Variants in KLHL29 observed in about 807,000 individuals in gnomAD.
The protein encoded by KLHL29 is kelch like family member 29.
Under a neutral mutation model 80.4 loss-of-function variants are expected in KLHL29, and 21 were observed. That is an observed-to-expected ratio of 0.26 (90% CI 0.19 to 0.38). KLHL29 has a LOEUF of 0.38. KLHL29 is among the 10% of genes least tolerant of loss of function. The probability of loss-of-function intolerance (pLI) is 1.00; values close to 1 mark genes in which losing one functional copy is unlikely to be tolerated. For missense variants in KLHL29, 867 were observed against 1,223.9 expected (o/e 0.71, Z 4.35); for synonymous variants, 511 against 526.8 (o/e 0.97, Z 0.41).
At chr2:23,459,519 G>A (rs1465385362) in intron 1 of KLHL29, among the ~76,000 whole-genome samples, 2 of 152,086 alleles carry the variant, frequency 1.3e-5, no homozygotes, top group South Asian at 2.1e-4. Context: ...GGGGTGATTC[G>A]GCAAAATGGG....
At chr2:23,553,409 G>A (rs1395586125) in intron 2 of KLHL29, among the ~76,000 whole-genome samples, 1 of 152,222 alleles carries the variant, frequency 6.6e-6, no homozygotes, top group Non-Finnish European at 1.5e-5. Context: ...ACAGGAGAAG[G>A]CTGGCATCAG....
chr2:23,550,362 C>G (rs764275468), intron 2 of KLHL29, among the ~76,000 whole-genome samples: 1 of 152,052 alleles, frequency 6.6e-6, no homozygotes, highest in Non-Finnish European at 1.5e-5. Context: ...TTTGGACAAG[C>G]AGGAGGCCCC....
At chr2:23,406,859 A>G (rs759694597) in intron 1 of KLHL29, among the ~76,000 whole-genome samples, 12 of 152,240 alleles carry the variant, frequency 7.9e-5, no homozygotes, top group Non-Finnish European at 1.0e-4. Context: ...TAACTTTTCA[A>G]TTATAAAAGT....
chr2:23,654,701 G>T (rs888464635), intron 5 of KLHL29, among the ~76,000 whole-genome samples: 1 of 117,940 alleles, frequency 8.5e-6, no homozygotes, highest in African/African-American at 2.7e-5. Flanking sequence ...GAGGTTGGGG[G>T]GGGGGGGTGG....
At chr2:23,415,151 A>G (rs1015145900) in intron 1 of KLHL29, among the ~76,000 whole-genome samples, 10 of 152,132 alleles carry the variant, frequency 6.6e-5, no homozygotes, top group African/African-American at 1.7e-4. Flanking sequence ...CCCCACTCCT[A>G]TGGGTCACCA....
chr2:23,603,905 C>T (rs1457417696), intron 3 of KLHL29, among the ~76,000 whole-genome samples: 1 of 152,256 alleles, frequency 6.6e-6, no homozygotes, highest in Non-Finnish European at 1.5e-5. Flanking sequence ...TCCCCGTCTC[C>T]TCCAGAGGGA....
In KLHL29 at chr2:23,693,341, AC is replaced by A. The variant is rs1414550727; in HGVS notation, c.1357del (p.His453ThrfsTer90). ...MAEAMQCSELYHMAKAFALQI... is the reference protein window; with the variant it reads ...MAEAMQCSELXHMAKAFALQI... ...GAGGCCATGCAGTGCAGCGAGCTCT[AC>A]CACATGGCCAAGGCCTTCGCGCTGC... On this transcript the variant is annotated frameshift_variant, in exon 8 of 14. Transcript: ENST00000486442. LOFTEE classifies it high-confidence loss of function. 1 of 1,551,490 alleles carries A rather than the reference AC, an allele frequency of 6.4e-7. No homozygotes were observed. Among genetic ancestry groups the A allele is most frequent in the Admixed American group, 2.0e-5 (1 of 51,004 alleles).
chr2:23,604,136 GTTTTTTTA>G, intron 3 of KLHL29, among the ~76,000 whole-genome samples: 1 of 151,116 alleles, frequency 6.6e-6, no homozygotes, highest in African/African-American at 2.4e-5. Context: ...TTTCTTTTTT[GTTTTTTTA>G]TTTTTTTTAT....
In KLHL29 at chr2:23,693,525, A is replaced by C. The variant is rs1481653922; in HGVS notation, c.1539A>C (p.Thr513=). 1 of 1,549,500 alleles carries C rather than the reference A, an allele frequency of 6.5e-7. No individual in the cohort carries two copies. The highest frequency in any genetic ancestry group is 8.7e-7 in the Non-Finnish European group (1 of 1,145,228). Residue 513 remains threonine, a synonymous_variant, in exon 8 of 14, where the codon ACA becomes ACC. Transcript: ENST00000486442. ...TCAAGAAGGACCCCGCGACACGCAC[A>C]CAGGTGGGGCCTGCCCTGTCCCCCG... ...KWIKKDPATR[T]QYAAELLAVV...
At chr2:23,556,914 C>A (rs1025266749) in intron 2 of KLHL29, among the ~76,000 whole-genome samples, 1 of 152,222 alleles carries the variant, frequency 6.6e-6, no homozygotes, top group African/African-American at 2.4e-5. Context: ...GTAATTTAAA[C>A]AGGTGCTAGC....
At chr2:23,484,057 CT>C (rs1429633334) in intron 2 of KLHL29, among the ~76,000 whole-genome samples, 1 of 152,164 alleles carries the variant, frequency 6.6e-6, no homozygotes, top group Non-Finnish European at 1.5e-5. Context: ...ATGGGCTGCC[CT>C]TCTTCCCACC....
chr2:23,620,618 C>T (rs1244876294), intron 3 of KLHL29, among the ~76,000 whole-genome samples: 1 of 152,084 alleles, frequency 6.6e-6, no homozygotes, highest in Non-Finnish European at 1.5e-5. Context: ...GAGCAGAGGC[C>T]AGTCCGGGAC....
intron 1 of KLHL29, among the ~76,000 whole-genome samples, chr2:23,452,994 G>C (rs940314849): frequency 2.6e-5 from 4 of 151,422 alleles, no homozygotes; most frequent in African/African-American, 7.3e-5. Context: ...TGGTTTCTTT[G>C]TGTGTTTTTA....
At chr2:23,414,333 C>T (rs1477602932) in intron 1 of KLHL29, among the ~76,000 whole-genome samples, 1 of 150,252 alleles carries the variant, frequency 6.7e-6, no homozygotes, top group Admixed American at 6.6e-5. Context: ...CTGTGGGGGC[C>T]GCGCAGACGG....
chr2:23,602,121 G>A (rs1357226457), intron 3 of KLHL29, among the ~76,000 whole-genome samples: 4 of 152,172 alleles, frequency 2.6e-5, no homozygotes, highest in Admixed American at 2.6e-4. Context: ...GTGCCATGAC[G>A]AGCACAGAGT....
At chr2:23,475,347 T>C (rs967377844) in intron 1 of KLHL29, among the ~76,000 whole-genome samples, 9 of 102,500 alleles carry the variant, frequency 8.8e-5, no homozygotes, top group Non-Finnish European at 1.8e-4. Context: ...TTGCATGTGC[T>C]GGCAGAGTTT....
At chr2:23,649,478 G>A (rs950924982) in intron 5 of KLHL29, among the ~76,000 whole-genome samples, 1 of 152,182 alleles carries the variant, frequency 6.6e-6, no homozygotes, top group Non-Finnish European at 1.5e-5. Context: ...CCAGGCAAGC[G>A]GAAAGATGCC....
At chr2:23,609,058 T>C (rs1232680640) in intron 3 of KLHL29, among the ~76,000 whole-genome samples, 1 of 152,226 alleles carries the variant, frequency 6.6e-6, no homozygotes, top group Non-Finnish European at 1.5e-5. Context: ...GGGTTCTATT[T>C]TGTCTGTGAT....
In KLHL29 at chr2:23,706,529, C is replaced by A; in HGVS notation, c.2493C>A (p.Ser831Arg). 1 of 1,536,078 alleles carries A rather than the reference C, an allele frequency of 6.5e-7. No homozygotes were observed. Among genetic ancestry groups the A allele is most frequent in the Non-Finnish European group, 8.7e-7 (1 of 1,146,346 alleles). The change falls in exon 14 of 14, where the codon AGC becomes AGA. Residue 831 changes from serine (S) to arginine (R), a missense_variant. By Grantham distance (110) the Ser-to-Arg change is moderately radical. Around this residue, in one of 2 missense-constraint regions of KLHL29, gnomAD observed 443 missense variants for 767.0 expected, o/e 0.58. Transcript: ENST00000486442. ...TTTATGCAACTGGAGGTATTGTCAG[C>A]AGTGAAGGGCCCGCGCTGGGCAACA... ...GKIYATGGIV[S>R]SEGPALGNME...
Sources: gnomAD v4.1 joint callset for allele counts (sites outside exome capture counted in the v4.1 genomes callset) on GRCh38, gnomAD v4.1.1 for gene constraint, gnomAD v4.1.1 regional missense constraint, MANE v1.5 for transcripts, NCBI Gene and HGNC (gene_info 2026-07-23, HGNC 2026-07-21) for gene names.